GIGYF2: variants seen among roughly 807,000 people sequenced by gnomAD.
GIGYF2 encodes GRB10-interacting GYF protein 2.
GIGYF2 carries 25 observed loss-of-function variants against 208.1 expected under a neutral mutation model. The ratio of observed to expected loss-of-function variants is 0.12; its 90% CI spans 0.09 to 0.17. The LOEUF (loss-of-function observed/expected upper bound fraction) is 0.17. Among genes scored for constraint, GIGYF2 ranks in the 10% least tolerant of loss-of-function variants. The probability of loss-of-function intolerance (pLI) is 1.00; values close to 1 mark genes in which losing one functional copy is unlikely to be tolerated. For missense variants in GIGYF2, 1,302 were observed against 1,579.4 expected, an observed-to-expected ratio of 0.82 and a Z score of 2.98; for synonymous variants, 534 against 543.8, an observed-to-expected ratio of 0.98 and a Z score of 0.25.
Position 232,844,584 on chromosome 2 carries a change from A to C in GIGYF2, c.3305+10A>C. 6.3e-7 allele frequency: 1 copy of C among 1,585,262 alleles called. No homozygotes were observed. Among genetic ancestry groups the C allele is most frequent in the Non-Finnish European group, 8.7e-7 (1 of 1,155,752 alleles). ...ACAACGCCAGTCTCAGGTAGGGCTC[A>C]AAATGACCACACCTATGCACCTTGG... On this transcript the variant is annotated intron_variant, in intron 25 of 28. Transcript: ENST00000373563.
In GIGYF2 at chr2:232,857,200, G is replaced by A; in HGVS notation, c.*340G>A. On this transcript the variant is annotated 3_prime_UTR_variant, in exon 29 of 29. Coordinates refer to ENST00000373563, the MANE Select transcript of GIGYF2 (RefSeq NM_001103146.3). ...AGTGTGTTGGGATCGGCCATTAGCA[G>A]CTTGCTTTCTCTTGTCACTTTTTTT... The A allele has an allele frequency of 2.7e-6, 1 of 376,230 alleles. No homozygotes were observed. The highest frequency in any genetic ancestry group is 4.9e-6 in the Non-Finnish European group (1 of 204,148). The allele number at this position is 376,230 out of a possible 1,614,324, so 23.3% of individuals were successfully genotyped here.
intron 21 of GIGYF2, among the ~76,000 whole-genome samples, chr2:232,820,216 A>G (rs942358533): frequency 3.3e-5 from 5 of 152,166 alleles, no homozygotes; most frequent in Non-Finnish European, 7.3e-5. Context: ...GCTCAGCTGT[A>G]TAGTGGAAAT....
At chr2:232,748,890 A>G (rs1698243913) in intron 4 of GIGYF2, 97 bp from the exon 5 acceptor site, 1 of 762,666 alleles carries the variant, frequency 1.3e-6, no homozygotes, top group Non-Finnish European at 2.4e-6. Context: ...ATAATCAACA[A>G]TAAATAGAAG....
At chr2:232,739,510 C>CA (rs1472168548) in intron 3 of GIGYF2, among the ~76,000 whole-genome samples, 2 of 147,618 alleles carry the variant, frequency 1.4e-5, no homozygotes, top group Non-Finnish European at 3.0e-5. Context: ...CTCTTCTCTA[C>CA]AAAAAAAATT....
intron 2 of GIGYF2, among the ~76,000 whole-genome samples, chr2:232,711,709 A>ATATATATATATATGTG: frequency 7.4e-6 from 1 of 135,690 alleles, no homozygotes; most frequent in African/African-American, 3.3e-5. Context: ...AATGATGTAT[A>ATATATATATATATGTG]TATATATATA....
intron 8 of GIGYF2, chr2:232,771,550 G>T: frequency 1.9e-6 from 1 of 524,406 alleles, no homozygotes. Context: ...CATTCATTTG[G>T]GAGCTAATTG....
At chr2:232,849,750 G>T (rs1441219837) in intron 27 of GIGYF2, among the ~76,000 whole-genome samples, 4 of 152,128 alleles carry the variant, frequency 2.6e-5, no homozygotes, top group African/African-American at 9.7e-5. Context: ...GTAACCAGTT[G>T]GTAGAAAGTA....
At chr2:232,797,976 G>A (rs1402865899) in intron 14 of GIGYF2, among the ~76,000 whole-genome samples, 1 of 114,934 alleles carries the variant, frequency 8.7e-6, no homozygotes, top group Non-Finnish European at 1.7e-5. Context: ...GTGAGACTGT[G>A]CCTCCAAAAA....
At chr2:232,825,621 G>C (rs1165498785) in intron 21 of GIGYF2, among the ~76,000 whole-genome samples, 2 of 152,086 alleles carry the variant, frequency 1.3e-5, no homozygotes, top group African/African-American at 4.8e-5. Context: ...ATCTACACCT[G>C]GTGAAGATGT....
chr2:232,830,544 CT>C (rs1018778623), intron 21 of GIGYF2, among the ~76,000 whole-genome samples: 34 of 152,292 alleles, frequency 2.2e-4, no homozygotes, highest in African/African-American at 7.9e-4. Context: ...GTTTCCCCTG[CT>C]GTTAATATCT....
Position 232,704,518 on chromosome 2 carries a change from C to T in GIGYF2, c.-44+1029C>T, listed in dbSNP as rs148424888. Among the ~76,000 whole-genome samples, 144 of 152,068 alleles carry T rather than the reference C, an allele frequency of 9.5e-4. 1 individual carries two copies. Among genetic ancestry groups the T allele is most frequent in the African/African-American group, 3.2e-3 (133 of 41,474 alleles). On this transcript the variant is annotated intron_variant, in intron 2 of 28. Coordinates refer to ENST00000373563, the MANE Select transcript of GIGYF2 (RefSeq NM_001103146.3). Reference sequence around the variant, plus strand: ...CTCCCAGGTTCAAGTGATTCTTGTGCCTCAGCCTCCTGAGTAGCTGAGATT... The same window carrying T: ...CTCCCAGGTTCAAGTGATTCTTGTGTCTCAGCCTCCTGAGTAGCTGAGATT...
intron 2 of GIGYF2, among the ~76,000 whole-genome samples, chr2:232,721,244 T>G (rs1473339760): frequency 6.6e-6 from 1 of 152,344 alleles, no homozygotes; most frequent in South Asian, 2.1e-4. Context: ...CATCTGTCAT[T>G]GTCCAGAATG....
intron 6 of GIGYF2, among the ~76,000 whole-genome samples, chr2:232,759,309 A>G (rs1698659860): frequency 6.6e-6 from 1 of 152,116 alleles, no homozygotes; most frequent in African/African-American, 2.4e-5. Flanking sequence ...TGAGCTAGGG[A>G]CGATGGCTAA....
chr2:232,853,595 C>T (rs901650559), intron 28 of GIGYF2, among the ~76,000 whole-genome samples: 5 of 152,232 alleles, frequency 3.3e-5, no homozygotes, highest in Non-Finnish European at 7.4e-5. Flanking sequence ...TTTTAGAGCT[C>T]TTCAGGTGGT....
chr2:232,708,212 G>T (rs547255097), intron 2 of GIGYF2, among the ~76,000 whole-genome samples: 21 of 152,148 alleles, frequency 1.4e-4, no homozygotes, highest in African/African-American at 4.8e-4. Flanking sequence ...CTCCCGCCTT[G>T]GTCTCCCAAA....
At chr2:232,761,598 AG>A (rs1698742423) in intron 8 of GIGYF2, 162 bp downstream of exon 8, 1 of 575,520 alleles carries the variant, frequency 1.7e-6, no homozygotes, top group African/African-American at 1.9e-5. Flanking sequence ...TACAGCCATT[AG>A]GATTTACTTG....
intron 22 of GIGYF2, among the ~76,000 whole-genome samples, chr2:232,834,120 G>A (rs10210953): frequency 0.36 from 54,542 of 151,860 alleles, 9,926 homozygotes; most frequent in Admixed American, 0.41. Context: ...TAATTGGGAA[G>A]GGAGGAGCAG....
chr2:232,734,934 C>T lies in GIGYF2; in HGVS notation c.-43-221C>T, dbSNP rs75911181. On this transcript the variant is annotated intron_variant, in intron 2 of 28. Transcript: ENST00000373563. ...TTCATCTTAAACTGTGCCTCCTTAC[C>T]CCAGATTAACATAGAAAGGTGGGGA... 0.089 allele frequency among the ~76,000 whole-genome samples: 13,484 copies of T among 152,088 alleles called. 816 individuals are homozygous for T. Among genetic ancestry groups the T allele is most frequent in the South Asian group, 0.28 (1,337 of 4,816 alleles).
At chr2:232,791,771 C>T (rs535986339) in intron 12 of GIGYF2, among the ~76,000 whole-genome samples, 35 of 152,212 alleles carry the variant, frequency 2.3e-4, no homozygotes, top group Admixed American at 2.3e-3. Context: ...AGACAGTTAC[C>T]TTCCTTTCAT....
Sources: gnomAD v4.1 joint callset for allele counts (sites outside exome capture counted in the v4.1 genomes callset) on GRCh38, gnomAD v4.1.1 for gene constraint, MANE v1.5 for transcripts, NCBI Gene and HGNC (gene_info 2026-07-23, HGNC 2026-07-21) for gene names.